The following TLE1 variants were observed in gnomAD, a reference collection of about 807,000 sequenced individuals.
TLE1 encodes transducin-like enhancer protein 1.
A neutral mutation model predicts 89.8 loss-of-function variants in TLE1; 21 were observed. That is an observed-to-expected ratio of 0.23 (90% CI 0.17 to 0.34). The LOEUF (loss-of-function observed/expected upper bound fraction) is 0.34, where lower values mean the gene tolerates loss of function less well. TLE1 is among the 10% of genes least tolerant of loss of function. The probability of loss-of-function intolerance (pLI) is 1.00; values close to 1 mark genes in which losing one functional copy is unlikely to be tolerated. For missense variants in TLE1, 795 were observed against 1,031.2 expected, an observed-to-expected ratio of 0.77 and a Z score of 3.14; for synonymous variants, 447 against 407.6, an observed-to-expected ratio of 1.10 and a Z score of -1.16.
At chr9:81,664,820 C>T (rs550683047) in intron 4 of TLE1, among the ~76,000 whole-genome samples, 1 of 152,278 alleles carries the variant, frequency 6.6e-6, no homozygotes, top group East Asian at 1.9e-4. Flanking sequence ...CTTGTTAATA[C>T]ACAGATGACT....
chr9:81,652,341 T>G, intron 5 of TLE1, 53 bp from the exon 6 acceptor site: 1 of 1,515,004 alleles, frequency 6.6e-7, no homozygotes, highest in Non-Finnish European at 9.1e-7. Flanking sequence ...AACTTCACTG[T>G]ATATTCTAAC....
chr9:81,605,178 G>A (rs934641637), intron 14 of TLE1, among the ~76,000 whole-genome samples: 13 of 152,034 alleles, frequency 8.6e-5, no homozygotes, highest in Non-Finnish European at 1.6e-4. Context: ...AACTTTTAAC[G>A]CCTTGTTCAC....
At chr9:81,647,287 T>C (rs1315520116) in intron 6 of TLE1, among the ~76,000 whole-genome samples, 1 of 152,228 alleles carries the variant, frequency 6.6e-6, no homozygotes. Context: ...GTGCCAACAA[T>C]GACACTATCT....
chr9:81,661,229 T>G (rs1483327505), intron 4 of TLE1, among the ~76,000 whole-genome samples: 1 of 148,592 alleles, frequency 6.7e-6, no homozygotes, highest in Non-Finnish European at 1.5e-5. Context: ...TATCTTTTTT[T>G]CAAGATATGG....
At chr9:81,587,884 CTGTTG>C (rs1828751431) in intron 16 of TLE1, 56 bp from the exon 17 acceptor site, 1 of 1,075,686 alleles carries the variant, frequency 9.3e-7, no homozygotes, top group African/African-American at 4.1e-5. Context: ...AAGGTAAACA[CTGTTG>C]TGTTGTTAGT....
At chr9:81,687,258 C>A (rs986148557) in intron 2 of TLE1, 76 bp downstream of exon 2, 9 of 1,270,002 alleles carry the variant, frequency 7.1e-6, no homozygotes, top group Non-Finnish European at 1.0e-5. Context: ...TAAGTACAGG[C>A]GCCGCCGCCA....
chr9:81,687,309 T>A, intron 2 of TLE1, 25 bp downstream of exon 2: 1 of 1,583,462 alleles, frequency 6.3e-7, no homozygotes, highest in Non-Finnish European at 8.6e-7. Flanking sequence ...CCGCGACCAC[T>A]CGCATGGCGC....
chr9:81,687,909 G>A (rs1834552981), intron 1 of TLE1, among the ~76,000 whole-genome samples: 1 of 152,130 alleles, frequency 6.6e-6, no homozygotes. Flanking sequence ...AACAAAGGGG[G>A]GGGCGCCCTG....
At chr9:81,684,502 G>A (rs570304056) in intron 4 of TLE1, among the ~76,000 whole-genome samples, 1 of 152,170 alleles carries the variant, frequency 6.6e-6, no homozygotes, top group Non-Finnish European at 1.5e-5. Context: ...AAATCAAAGA[G>A]TGCGGAGTTA....
intron 14 of TLE1, 37 bp downstream of exon 14, chr9:81,610,183 A>G (rs1483800721): frequency 6.3e-7 from 1 of 1,575,758 alleles, no homozygotes; most frequent in South Asian, 1.1e-5. Flanking sequence ...CTGAGTAACC[A>G]CCTTTAAAAC....
intron 4 of TLE1, among the ~76,000 whole-genome samples, chr9:81,674,435 C>G (rs963581646): frequency 6.6e-6 from 1 of 152,188 alleles, no homozygotes; most frequent in Admixed American, 6.5e-5. Context: ...GTTCCACACA[C>G]TGGGGTCCTC....
intron 4 of TLE1, among the ~76,000 whole-genome samples, chr9:81,684,949 A>G (rs1357975838): frequency 6.6e-6 from 1 of 152,170 alleles, no homozygotes; most frequent in Non-Finnish European, 1.5e-5. Context: ...TTCCAGCTCA[A>G]TACTCTTTTT....
intron 4 of TLE1, among the ~76,000 whole-genome samples, chr9:81,672,324 T>C (rs986478499): frequency 1.3e-5 from 2 of 150,600 alleles, no homozygotes; most frequent in African/African-American, 4.9e-5. Context: ...CTGCAATAAA[T>C]TATTATTATT....
intron 5 of TLE1, 40 bp from the exon 6 acceptor site, chr9:81,652,328 A>G: frequency 6.4e-7 from 1 of 1,569,276 alleles, no homozygotes; most frequent in Non-Finnish European, 8.8e-7. Flanking sequence ...AGCAACAGCC[A>G]AAAACTTCAC....
At chr9:81,615,927 G>C (rs1824447281) in intron 11 of TLE1, 55 bp downstream of exon 11, 1 of 1,605,446 alleles carries the variant, frequency 6.2e-7, no homozygotes, top group Admixed American at 1.7e-5. Context: ...GAGTCCTCCA[G>C]TCCACAATGA....
chr9:81,689,398 T>C lies in TLE1; in HGVS notation c.-1158A>G. 1 of 152,524 alleles carries C rather than the reference T, an allele frequency of 6.6e-6. No individual in the cohort carries two copies. Among genetic ancestry groups the C allele is most frequent in the Non-Finnish European group, 1.5e-5 (1 of 68,284 alleles). 9.4% of individuals were successfully genotyped at this position (152,524 alleles called of 1,614,324 possible). A position where few individuals can be genotyped will look rare whatever the true frequency, so the allele number is the denominator to read the frequency against. On this transcript the variant is annotated 5_prime_UTR_variant, in exon 1 of 20. Transcript: ENST00000376499. ...CGGAGGTCCGGGCTGGTGGCGCGGG[T>C]CCCGCCCGGCCGTGCGAGGGTGGGG... is the stretch of plus-strand genomic sequence containing the variant.
intron 14 of TLE1, chr9:81,599,847 CA>C (rs1830683036): frequency 1.0e-5 from 4 of 397,022 alleles, no homozygotes; most frequent in Non-Finnish European, 1.8e-5. Flanking sequence ...AACTTCAAAG[CA>C]TTAGGTTGGG....
intron 4 of TLE1, among the ~76,000 whole-genome samples, chr9:81,658,575 G>C (rs936865116): frequency 6.6e-6 from 1 of 152,084 alleles, no homozygotes; most frequent in African/African-American, 2.4e-5. Flanking sequence ...CCAAGTCTTG[G>C]ACTGTTCTAT....
intron 11 of TLE1, among the ~76,000 whole-genome samples, chr9:81,613,833 C>T (rs1824028231): frequency 6.6e-6 from 1 of 151,928 alleles, no homozygotes; most frequent in Non-Finnish European, 1.5e-5. Context: ...AGATGACCAC[C>T]CAGAGAATAT....
Sources: allele counts gnomAD v4.1 joint callset (sites outside exome capture counted in the v4.1 genomes callset), GRCh38; gene constraint gnomAD v4.1.1; transcripts MANE v1.5; gene names NCBI Gene and HGNC (gene_info 2026-07-23, HGNC 2026-07-21).